Variants in SCN10A observed in about 807,000 individuals in gnomAD.
SCN10A encodes sodium channel protein type 10 subunit alpha.
A neutral mutation model predicts 170.7 loss-of-function variants in SCN10A; 162 were observed. That is an observed-to-expected ratio of 0.95 (90% CI 0.84 to 1.08). The LOEUF (loss-of-function observed/expected upper bound fraction) is 1.08. SCN10A is among the 50% of genes least tolerant of loss of function. The pLI is 0.00. For missense variants in SCN10A, 2,527 were observed against 2,436.9 expected (o/e 1.04, Z -0.78); for synonymous variants, 985 against 904.6 (o/e 1.09, Z -1.59).
intron 1 of SCN10A, among the ~76,000 whole-genome samples, chr3:38,795,347 C>CTTT (rs1219351048): frequency 7.8e-6 from 1 of 127,870 alleles, no homozygotes. Context: ...TTTTCTTTTT[C>CTTT]TTTTTTTTTT....
chr3:38,730,300 T>C (rs1375522984), intron 15 of SCN10A, among the ~76,000 whole-genome samples: 3 of 152,226 alleles, frequency 2.0e-5, no homozygotes, highest in African/African-American at 4.8e-5. Flanking sequence ...GGTGCTCATA[T>C]AGGATTTTAT....
At position 38,707,395 on chromosome 3, in the gene SCN10A, G is replaced by T. The variant is rs2063222111; in HGVS notation, c.4282-12C>A. Reference sequence around the variant, plus strand: ...TCCTGGCCCCCTAAGTGCAGAGAGGGCCACACTGTTACTAAAGCAAGAGGA... The same window carrying T: ...TCCTGGCCCCCTAAGTGCAGAGAGGTCCACACTGTTACTAAAGCAAGAGGA... On this transcript the variant is annotated splice_polypyrimidine_tract_variant and intron_variant, in intron 25 of 27. Transcript: ENST00000449082. 2 of 1,613,500 alleles carry T rather than the reference G, an allele frequency of 1.2e-6. No individual in the cohort carries two copies. Among genetic ancestry groups the T allele is most frequent in the African/African-American group, 1.3e-5 (1 of 74,890 alleles).
Position 38,760,669 on chromosome 3 carries a change from T to C in SCN10A, c.950+12A>G, listed in dbSNP as rs1346756420. 2 of 1,610,380 alleles carry C rather than the reference T, an allele frequency of 1.2e-6. No individual in the cohort carries two copies. Among genetic ancestry groups the C allele is most frequent in the Non-Finnish European group, 1.7e-6 (2 of 1,176,574 alleles). The stretch of plus-strand genomic sequence containing the variant: ...TTGGGCACTCGTGCTTTGTCATAAG[T>C]TGGGAACTCACCCTGAGTCAGATCC... On this transcript the variant is annotated intron_variant, in intron 8 of 27. Transcript: ENST00000449082.
Position 38,726,870 on chromosome 3 carries a change from G to C in SCN10A, c.2823C>G (p.Pro941=). ...TCACCACCAGCTCAGGCTCTGCCTTGGGCTGGGGGAATGGGCAGGACCTGC... is the reference window on the plus strand; with the variant it reads ...TCACCACCAGCTCAGGCTCTGCCTTCGGCTGGGGGAATGGGCAGGACCTGC... ...FFSRSCPFPQ[P]KAEPELVVKL... is the part of the protein sequence containing the mutation. The change falls in exon 17 of 28, where the codon CCC becomes CCG. Residue 941 remains proline (P), a synonymous_variant. Transcript: ENST00000449082. The C allele has an allele frequency of 6.2e-7, 1 of 1,614,232 alleles. No individual in the cohort carries two copies. Among genetic ancestry groups the C allele is most frequent in the Non-Finnish European group, 8.5e-7 (1 of 1,180,044 alleles).
chr3:38,792,185 C>G lies in SCN10A; in HGVS notation c.271-17G>C. On this transcript the variant is annotated splice_polypyrimidine_tract_variant and intron_variant, in intron 2 of 27. Transcript: ENST00000449082. Reference sequence around the variant, plus strand: ...CATAAATGTCTGAAACAAAACAAAACAGAAAGTGGACCTCCAATGAGAAAC... The same window carrying G: ...CATAAATGTCTGAAACAAAACAAAAGAGAAAGTGGACCTCCAATGAGAAAC... 1 of 1,611,364 alleles carries G rather than the reference C, an allele frequency of 6.2e-7. No individual in the cohort carries two copies. The highest frequency in any genetic ancestry group is 8.5e-7 in the Non-Finnish European group (1 of 1,179,120).
In SCN10A at chr3:38,761,292, G is replaced by A. The variant is rs2063867901; in HGVS notation, c.783C>T (p.Ala261=). The stretch of plus-strand genomic sequence containing the variant: ...CCTTGAAGAGTTGCAGCCCCACCAA[G>A]GCAAAAACACTTAGGCAGAAGATGG... ...ILTIFCLSVF[A]LVGLQLFKGN... The change falls in exon 7 of 28, where the codon GCC becomes GCT. Residue 261 remains alanine (A), a synonymous_variant. Coordinates refer to ENST00000449082, the MANE Select transcript of SCN10A (RefSeq NM_006514.4). 3 of 1,613,984 alleles carry A rather than the reference G, an allele frequency of 1.9e-6. No homozygotes were observed. Among genetic ancestry groups the A allele is most frequent in the East Asian group, 2.2e-5 (1 of 44,876 alleles).
intron 15 of SCN10A, among the ~76,000 whole-genome samples, chr3:38,733,769 G>A (rs2063533370): frequency 1.3e-5 from 2 of 152,006 alleles, no homozygotes; most frequent in Non-Finnish European, 2.9e-5. Flanking sequence ...TGCCCAGGCT[G>A]GAGTGCAATG....
At chr3:38,743,382 T>C (rs1329176123) in intron 13 of SCN10A, among the ~76,000 whole-genome samples, 1 of 152,204 alleles carries the variant, frequency 6.6e-6, no homozygotes, top group Non-Finnish European at 1.5e-5. Context: ...ACCATTGCCA[T>C]GAGCAGGTAA....
rs1042684400 is a variant in SCN10A, at chr3:38,710,907, A to G, written c.4090-10T>C. 6.2e-7 allele frequency: 1 copy of G among 1,612,850 alleles called. No homozygotes were observed. The highest frequency in any genetic ancestry group is 1.3e-5 in the African/African-American group (1 of 75,038). On this transcript the variant is annotated splice_polypyrimidine_tract_variant and intron_variant, in intron 23 of 27. Transcript: ENST00000449082. ...AGCCTTTAAAGGTTGCCTGGAGACA[A>G]GGAGCAGAGGCCACTCAGTGTCTGC... is the stretch of plus-strand genomic sequence containing the variant.
chr3:38,707,443 A>G, intron 25 of SCN10A, 60 bp from the exon 26 acceptor site: 1 of 1,544,632 alleles, frequency 6.5e-7, no homozygotes, highest in Non-Finnish European at 8.9e-7. Context: ...TACCAAAATC[A>G]GAACAGGCAG....
chr3:38,723,826 T>C (rs1559424073), intron 18 of SCN10A, among the ~76,000 whole-genome samples: 2 of 152,126 alleles, frequency 1.3e-5, no homozygotes, highest in African/African-American at 2.4e-5. Flanking sequence ...AATCATGGAG[T>C]AATGCTGCAG....
intron 21 of SCN10A, among the ~76,000 whole-genome samples, chr3:38,716,422 T>C (rs1256645336): frequency 6.6e-6 from 1 of 152,102 alleles, no homozygotes; most frequent in Non-Finnish European, 1.5e-5. Context: ...GGAGTTTCCC[T>C]GCCCAACCTC....
At chr3:38,708,835 A>G (rs1266386237) in intron 25 of SCN10A, among the ~76,000 whole-genome samples, 1 of 152,218 alleles carries the variant, frequency 6.6e-6, no homozygotes, top group East Asian at 1.9e-4. Context: ...GTACTCTGTG[A>G]CTTATCCATG....
At chr3:38,706,216 A>G (rs2063209764) in intron 26 of SCN10A, among the ~76,000 whole-genome samples, 2 of 152,254 alleles carry the variant, frequency 1.3e-5, no homozygotes, top group South Asian at 4.1e-4. Context: ...TTGTTCTGAC[A>G]AAGTTTGAAG....
chr3:38,725,323 A>T lies in SCN10A; in HGVS notation c.3088-9T>A, dbSNP rs745608356. On this transcript the variant is annotated splice_polypyrimidine_tract_variant and intron_variant, in intron 17 of 27. Transcript: ENST00000449082. ...TGCTGCAGCTGCTCCTGCTAGTGAGAGAGGGTCCCAACTGGGTGCCTGGCC... is the reference window on the plus strand; with the variant it reads ...TGCTGCAGCTGCTCCTGCTAGTGAGTGAGGGTCCCAACTGGGTGCCTGGCC... The T allele has an allele frequency of 1.3e-6, 2 of 1,569,880 alleles. No homozygotes were observed. The highest frequency in any genetic ancestry group is 3.4e-5 in the Admixed American group (2 of 58,714).
chr3:38,718,626 C>T lies in SCN10A; in HGVS notation c.3681+27G>A, dbSNP rs76728612. The T allele has an allele frequency of 5.5e-4, 886 of 1,612,262 alleles. 9 individuals carry two copies. In the African/African-American group the frequency reaches 0.011, roughly 19 times the overall value. On this transcript the variant is annotated intron_variant, in intron 21 of 27. Transcript: ENST00000449082. ...GGAGTCAGAGGGGAGGACCCCAAAC[C>T]CCACGTGTTCCCACTGAGCCACTCA...
intron 6 of SCN10A, among the ~76,000 whole-genome samples, chr3:38,762,425 G>C (rs569113870): frequency 4.6e-4 from 70 of 152,156 alleles, no homozygotes; most frequent in Non-Finnish European, 9.6e-4. Flanking sequence ...GTAAAACCTT[G>C]GCAGAGCCCT....
At chr3:38,740,376 C>T (rs763470456) in intron 14 of SCN10A, among the ~76,000 whole-genome samples, 2 of 152,246 alleles carry the variant, frequency 1.3e-5, no homozygotes, top group African/African-American at 2.4e-5. Flanking sequence ...AGGAAAGCAA[C>T]GACCAGGGTC....
chr3:38,793,858 AG>A lies in SCN10A; in HGVS notation c.152del (p.Pro51LeufsTer7). ...HREQKDQEEK[P>X]RPQLDLKACN... ...AGGCTTTCAAGTCCAGCTGGGGCCG[AG>A]GCTTCTCTTCTTGGTCCTTCTGCTC... On this transcript the variant is annotated frameshift_variant, in exon 2 of 28. Transcript: ENST00000449082. LOFTEE classifies it high-confidence loss of function. 6.2e-7 allele frequency: 1 copy of A among 1,614,024 alleles called. No individual in the cohort carries two copies. Among genetic ancestry groups the A allele is most frequent in the Non-Finnish European group, 8.5e-7 (1 of 1,179,950 alleles).
Sources: gnomAD v4.1 joint callset for allele counts (sites outside exome capture counted in the v4.1 genomes callset) on GRCh38, gnomAD v4.1.1 for gene constraint, MANE v1.5 for transcripts, NCBI Gene and HGNC (gene_info 2026-07-23, HGNC 2026-07-21) for gene names.